KIAA1549L: variants seen among roughly 807,000 people sequenced by gnomAD.
KIAA1549L encodes the protein KIAA1549 like.
In KIAA1549L, 88 loss-of-function variants were observed where a neutral mutation model predicts 160.7. The ratio of observed to expected loss-of-function variants is 0.55; its 90% CI spans 0.46 to 0.65. The LOEUF (loss-of-function observed/expected upper bound fraction) is 0.65. KIAA1549L is among the 30% of genes least tolerant of loss of function. The probability of loss-of-function intolerance (pLI) is 0.00; values close to 1 mark genes in which losing one functional copy is unlikely to be tolerated. For missense variants in KIAA1549L, 2,258 were observed against 2,437.5 expected (o/e 0.93, Z 1.55); for synonymous variants, 950 against 976.7 (o/e 0.97, Z 0.51).
At chr11:33,522,911 A>AG (rs1853530278) in intron 1 of KIAA1549L, among the ~76,000 whole-genome samples, 1 of 151,736 alleles carries the variant, frequency 6.6e-6, no homozygotes, top group South Asian at 2.1e-4. Context: ...AAAAAAAAAA[A>AG]AATATGGTCT....
In KIAA1549L at chr11:33,562,900, C is replaced by T. The variant is rs189131691; in HGVS notation, c.4078+1165C>T. On this transcript the variant is annotated intron_variant, in intron 8 of 20. Coordinates refer to ENST00000658780, the MANE Select transcript of KIAA1549L (RefSeq NM_012194.3). ...TTCACCATGTTGGCCAGGCTGGTCTCGAACTCCTGACCTCAGCCGATCTGC... is the reference window on the plus strand; with the variant it reads ...TTCACCATGTTGGCCAGGCTGGTCTTGAACTCCTGACCTCAGCCGATCTGC... 3.7e-3 allele frequency among the ~76,000 whole-genome samples: 559 copies of T among 151,864 alleles called. 4 individuals carry two copies. The highest frequency in any genetic ancestry group is 4.9e-3 in the Non-Finnish European group (333 of 67,958).
intron 1 of KIAA1549L, among the ~76,000 whole-genome samples, chr11:33,383,617 G>A (rs1850116278): frequency 6.6e-6 from 1 of 152,186 alleles, no homozygotes; most frequent in Non-Finnish European, 1.5e-5. Context: ...GTGAGAACAG[G>A]CTAGGCCTGG....
At chr11:33,660,560 G>A (rs1011496054) in intron 19 of KIAA1549L, among the ~76,000 whole-genome samples, 24 of 132,882 alleles carry the variant, frequency 1.8e-4, no homozygotes, top group Non-Finnish European at 1.9e-4. Context: ...GCGAGACTCC[G>A]TCTCAAAAAA....
chr11:33,513,299 G>A (rs542926381), intron 1 of KIAA1549L, among the ~76,000 whole-genome samples: 14 of 152,366 alleles, frequency 9.2e-5, no homozygotes, highest in African/African-American at 3.1e-4. Flanking sequence ...TCCTCACGGA[G>A]GTAGAGGTGG....
At chr11:33,581,522 A>G (rs1436070698) in intron 10 of KIAA1549L, among the ~76,000 whole-genome samples, 2 of 152,112 alleles carry the variant, frequency 1.3e-5, no homozygotes, top group Non-Finnish European at 2.9e-5. Context: ...GACTTTTCAT[A>G]GAAACGTTTG....
intron 1 of KIAA1549L, among the ~76,000 whole-genome samples, chr11:33,425,242 C>T (rs1397280959): frequency 6.6e-6 from 1 of 152,152 alleles, no homozygotes; most frequent in African/African-American, 2.4e-5. Context: ...CCTTGTGTTT[C>T]TTACAGCTCT....
At chr11:33,485,453 A>T (rs1411871019) in intron 1 of KIAA1549L, among the ~76,000 whole-genome samples, 2 of 152,212 alleles carry the variant, frequency 1.3e-5, no homozygotes, top group Non-Finnish European at 2.9e-5. Flanking sequence ...TTTTCATGAC[A>T]AAAGTATCTA....
chr11:33,471,473 CCTT>C (rs1258800253), intron 1 of KIAA1549L, among the ~76,000 whole-genome samples: 4 of 152,066 alleles, frequency 2.6e-5, no homozygotes, highest in African/African-American at 9.7e-5. Context: ...CTTAATCATC[CCTT>C]CTTCTCTCTC....
chr11:33,498,168 A>T (rs752977371), intron 1 of KIAA1549L, among the ~76,000 whole-genome samples: 1 of 152,102 alleles, frequency 6.6e-6, no homozygotes, highest in Non-Finnish European at 1.5e-5. Context: ...GGTGGCATGC[A>T]CCTGTGGTCC....
chr11:33,485,247 T>A (rs1394107842), intron 1 of KIAA1549L, among the ~76,000 whole-genome samples: 3 of 152,190 alleles, frequency 2.0e-5, no homozygotes, highest in Non-Finnish European at 4.4e-5. Flanking sequence ...TCCCAAAATT[T>A]TCAAGAATCT....
intron 1 of KIAA1549L, among the ~76,000 whole-genome samples, chr11:33,407,503 C>A (rs1156940684): frequency 6.6e-6 from 1 of 152,054 alleles, no homozygotes; most frequent in Non-Finnish European, 1.5e-5. Context: ...CACGCGCCAC[C>A]GTGCCTTGCT....
At chr11:33,556,556 A>G (rs76758381) in intron 6 of KIAA1549L, among the ~76,000 whole-genome samples, 24 of 152,370 alleles carry the variant, frequency 1.6e-4, no homozygotes, top group Middle Eastern at 3.4e-3. Flanking sequence ...TACAACAGGG[A>G]TGAACCTTGA....
At chr11:33,389,118 T>C (rs1850226770) in intron 1 of KIAA1549L, among the ~76,000 whole-genome samples, 1 of 152,244 alleles carries the variant, frequency 6.6e-6, no homozygotes, top group Admixed American at 6.5e-5. Flanking sequence ...ATTTATGCAG[T>C]TCAAGTAAAT....
chr11:33,401,245 T>C (rs1437002033), intron 1 of KIAA1549L, among the ~76,000 whole-genome samples: 1 of 147,984 alleles, frequency 6.8e-6, no homozygotes, highest in Non-Finnish European at 1.5e-5. Context: ...ATTAATATAG[T>C]ATATATAAAT....
chr11:33,480,529 A>G (rs1852388880), intron 1 of KIAA1549L, among the ~76,000 whole-genome samples: 1 of 152,148 alleles, frequency 6.6e-6, no homozygotes, highest in East Asian at 1.9e-4. Context: ...TCTTTGGTGT[A>G]TACTTTTAGA....
intron 1 of KIAA1549L, among the ~76,000 whole-genome samples, chr11:33,492,019 C>T (rs926780617): frequency 3.9e-5 from 6 of 152,170 alleles, no homozygotes; most frequent in African/African-American, 1.4e-4. Flanking sequence ...GTTACCAACC[C>T]TCTCAAACAT....
rs114226776 is a variant in KIAA1549L, at chr11:33,581,479, G to A, written c.4403-1859G>A. Among the ~76,000 whole-genome samples the A allele has an allele frequency of 5.2e-3, 793 of 151,110 alleles. 7 individuals carry two copies. Among genetic ancestry groups the A allele is most frequent in the African/African-American group, 0.014 (575 of 41,050 alleles). Reference sequence around the variant, plus strand: ...CACTTCTATTCATGTGTGTTAACTCGGAACCGACTTTAACTGTTTATTTCA... The same window carrying A: ...CACTTCTATTCATGTGTGTTAACTCAGAACCGACTTTAACTGTTTATTTCA... On this transcript the variant is annotated intron_variant, in intron 10 of 20. Transcript: ENST00000658780.
intron 1 of KIAA1549L, chr11:33,403,611 GAC>G: frequency 2.0e-5 from 3 of 151,840 alleles, no homozygotes; most frequent in Non-Finnish European, 2.9e-5. Flanking sequence ...GACACACACA[GAC>G]ACACACACAG....
chr11:33,384,949 T>G (rs956576241), intron 1 of KIAA1549L, among the ~76,000 whole-genome samples: 6 of 151,738 alleles, frequency 4.0e-5, no homozygotes, highest in Admixed American at 3.9e-4. Flanking sequence ...TTTTTGTTTT[T>G]TTTTTTTAAA....
Sources: gnomAD v4.1 joint callset for allele counts (sites outside exome capture counted in the v4.1 genomes callset) on GRCh38, gnomAD v4.1.1 for gene constraint, MANE v1.5 for transcripts, NCBI Gene and HGNC (gene_info 2026-07-23, HGNC 2026-07-21) for gene names.